The following USP42 variants were observed in gnomAD, a reference collection of about 807,000 sequenced individuals.
USP42 encodes ubiquitin carboxyl-terminal hydrolase 42.
Under a neutral mutation model 113.0 loss-of-function variants are expected in USP42, and 23 were observed. The ratio of observed to expected loss-of-function variants is 0.20; its 90% CI spans 0.15 to 0.29. The LOEUF is 0.29. USP42 is among the 10% of genes least tolerant of loss of function. The pLI is 1.00. For synonymous variants in USP42, 933 were observed against 699.0 expected (o/e 1.33, Z -5.28); for missense variants, 2,174 against 1,779.8 (o/e 1.22, Z -3.99).
chr7:6,140,989 A>C lies in USP42; in HGVS notation c.795+5A>C, dbSNP rs751652050. On this transcript the variant is annotated splice_donor_5th_base_variant and intron_variant, in intron 7 of 17. Coordinates refer to ENST00000306177, the MANE Select transcript of USP42 (RefSeq NM_032172.3). ...GATATAACATTGGAGATAAAGGTAA[A>C]TTTCATAATTATGGGAGTAATTACA... is the stretch of plus-strand genomic sequence containing the variant. The C allele has an allele frequency of 6.9e-7, 1 of 1,448,028 alleles. No individual in the cohort carries two copies. The highest frequency in any genetic ancestry group is 9.5e-7 in the Non-Finnish European group (1 of 1,054,634). 89.7% of individuals were successfully genotyped at this position (1,448,028 alleles called of 1,614,324 possible).
rs146022710 is a variant in USP42 at position 6,120,653 on chromosome 7, G to A, written c.442+5130G>A. Among the ~76,000 whole-genome samples the A allele has an allele frequency of 6.8e-3, 1,042 of 152,282 alleles. 11 individuals are homozygous for A. Among genetic ancestry groups the A allele is most frequent in the African/African-American group, 0.024 (994 of 41,550 alleles). Reference sequence around the variant, plus strand: ...GGCTGGAGTGCAGTGGCACAATCTCGGCTCACTGCACCCTCTGCCTTCTGG... The same window carrying A: ...GGCTGGAGTGCAGTGGCACAATCTCAGCTCACTGCACCCTCTGCCTTCTGG... On this transcript the variant is annotated intron_variant, in intron 3 of 17. Coordinates refer to ENST00000306177, the MANE Select transcript of USP42 (RefSeq NM_032172.3).
At chr7:6,105,796 C>G (rs1055523464) in intron 1 of USP42, among the ~76,000 whole-genome samples, 3 of 152,182 alleles carry the variant, frequency 2.0e-5, no homozygotes, top group African/African-American at 7.2e-5. Context: ...GAAAATTGGA[C>G]GGAACAAGTT....
At chr7:6,151,785 C>G (rs968375686) in intron 14 of USP42, among the ~76,000 whole-genome samples, 3 of 150,474 alleles carry the variant, frequency 2.0e-5, no homozygotes, top group Non-Finnish European at 4.4e-5. Context: ...ATGTACTAAT[C>G]GTATGTGCTA....
At chr7:6,087,772 C>CA in the USP42 span, among the ~76,000 whole-genome samples, 1 of 151,182 alleles carries the variant, frequency 6.6e-6, no homozygotes, top group South Asian at 2.1e-4. Context: ...CTCGTTTTTG[C>CA]ATATGTTGTC....
In USP42 at chr7:6,154,564, G is replaced by A. The variant is rs368185315; in HGVS notation, c.3010G>A (p.Asp1004Asn). The A allele has an allele frequency of 1.5e-4, 229 of 1,554,628 alleles. 1 individual carries two copies. The highest frequency in any genetic ancestry group is 2.7e-4 in the Admixed American group (14 of 51,674). ...CCCGGAGCACCACCCCGGCCACGGC[G>A]ACAGGCTCAGCCCTGGCGAGCGCCG... ...HAPEHHPGHGDRLSPGERRSL... is the reference protein window; with the variant it reads ...HAPEHHPGHGNRLSPGERRSL... Residue 1004 changes from aspartate to asparagine, a missense_variant, in exon 15 of 18, where the codon GAC (aspartate) becomes AAC (asparagine). Physicochemically the swap from Asp to Asn is conservative, Grantham distance 23. Coordinates refer to ENST00000306177, the MANE Select transcript of USP42 (RefSeq NM_032172.3).
At chr7:6,132,065 T>C (rs1780880247) in intron 3 of USP42, among the ~76,000 whole-genome samples, 1 of 152,152 alleles carries the variant, frequency 6.6e-6, no homozygotes, top group African/African-American at 2.4e-5. Context: ...CCTGAATAGC[T>C]GGGACTACAG....
intron 1 of USP42, among the ~76,000 whole-genome samples, chr7:6,110,391 C>T (rs992467449): frequency 2.0e-4 from 31 of 152,076 alleles, no homozygotes; most frequent in Non-Finnish European, 3.2e-4. Flanking sequence ...ATGCAATGCC[C>T]AGTACATAGA....
In USP42 at chr7:6,149,565, C is replaced by T. The variant is rs200506044; in HGVS notation, c.1387-18C>T. The stretch of plus-strand genomic sequence containing the variant: ...ATGTTTCTGGAGCTCTGACCAGGTG[C>T]GCTCTGCTTACTTCCAGAATCCACC... On this transcript the variant is annotated intron_variant, in intron 12 of 17. Coordinates refer to ENST00000306177, the MANE Select transcript of USP42 (RefSeq NM_032172.3). The T allele has an allele frequency of 3.4e-4, 551 of 1,601,728 alleles. No individual in the cohort carries two copies. The highest frequency in any genetic ancestry group is 4.1e-4 in the Non-Finnish European group (478 of 1,172,372).
the USP42 span, among the ~76,000 whole-genome samples, chr7:6,098,238 A>G: frequency 6.7e-6 from 1 of 150,248 alleles, no homozygotes; most frequent in Non-Finnish European, 1.5e-5. Context: ...TACCAGTCCC[A>G]TGATGTATCA....
intron 15 of USP42, 78 bp downstream of exon 15, chr7:6,155,273 A>G: frequency 3.5e-6 from 5 of 1,443,296 alleles, no homozygotes; most frequent in African/African-American, 1.4e-5. Flanking sequence ...CACTCGACTC[A>G]GGAACAAGTG....
At chr7:6,103,685 G>A (rs1017115102), upstream of USP42, among the ~76,000 whole-genome samples, 1 of 133,422 alleles carries the variant, frequency 7.5e-6, no homozygotes, top group Non-Finnish European at 1.5e-5. Context: ...ACAATCGCTT[G>A]ATCTCAGAAG....
rs1243659769 is a variant in USP42 at position 6,155,078 on chromosome 7, A to G, written c.3524A>G (p.Glu1175Gly). Residue 1175 changes from glutamate (E) to glycine (G), a missense_variant, in exon 15 of 18, where the codon GAA becomes GGA. By Grantham distance (98) the Glu-to-Gly change is moderately conservative (BLOSUM62 -2). Coordinates refer to ENST00000306177, the MANE Select transcript of USP42 (RefSeq NM_032172.3). ...GTGGAGAACAGTGACAGTCATGTTG[A>G]AAAGAAAGCCCGGAGGAGCGAACAG... ...DSVENSDSHVEKKARRSEQKD... is the reference protein window; with the variant it reads ...DSVENSDSHVGKKARRSEQKD... 6.4e-7 allele frequency: 1 copy of G among 1,562,932 alleles called. No homozygotes were observed. Among genetic ancestry groups the G allele is most frequent in the South Asian group, 1.2e-5 (1 of 84,590 alleles).
chr7:6,154,336 G>A lies in USP42; in HGVS notation c.2782G>A (p.Ala928Thr), dbSNP rs765656560. The A allele has an allele frequency of 4.5e-6, 7 of 1,571,546 alleles. No homozygotes were observed. Among genetic ancestry groups the A allele is most frequent in the South Asian group, 1.2e-5 (1 of 86,200 alleles). ...CCCCGGCGAGAGGGTCGAGGACGCC[G>A]CGGCGCCGAAAGCCCCAGGCCCTTC... ...PSPGERVEDAAAPKAPGPSPA... is the reference protein window; with the variant it reads ...PSPGERVEDATAPKAPGPSPA... Residue 928 changes from alanine (A) to threonine (T), a missense_variant, in exon 15 of 18, where the codon GCG (alanine) becomes ACG (threonine). By Grantham distance (58) the Ala-to-Thr change is moderately conservative. Coordinates refer to ENST00000306177, the MANE Select transcript of USP42 (RefSeq NM_032172.3).
intron 9 of USP42, 79 bp from the exon 10 acceptor site, chr7:6,145,437 G>A (rs1243119889): frequency 2.6e-6 from 4 of 1,567,062 alleles, no homozygotes; most frequent in African/African-American, 2.7e-5. Flanking sequence ...CTCCTAGGAA[G>A]CTCTAAGTAC....
intron 3 of USP42, 37 bp from the exon 4 acceptor site, chr7:6,135,804 A>T: frequency 7.2e-7 from 1 of 1,383,336 alleles, no homozygotes; most frequent in Non-Finnish European, 1.0e-6. Flanking sequence ...ATATGGTTGT[A>T]TTTTGCTAAT....
upstream of USP42, among the ~76,000 whole-genome samples, chr7:6,102,325 G>C (rs944160849): frequency 2.7e-5 from 4 of 150,092 alleles, no homozygotes; most frequent in Non-Finnish European, 5.9e-5. Flanking sequence ...TATTGGCCAG[G>C]CTGGTCTCGA....
rs1781350645 is a variant in USP42 at position 6,139,918 on chromosome 7, C to G, written c.657-210C>G. The G allele has an allele frequency of 3.4e-6, 2 of 596,792 alleles. No individual in the cohort carries two copies. The highest frequency in any genetic ancestry group is 6.0e-6 in the Non-Finnish European group (2 of 333,740). 37.0% of individuals were successfully genotyped at this position (596,792 alleles called of 1,614,324 possible). On this transcript the variant is annotated intron_variant, in intron 5 of 17. Transcript: ENST00000306177. This position sits in a 1 kb window ranked among gnomAD's most constrained non-coding sequence, Gnocchi z 4.5. Reference sequence around the variant, plus strand: ...CCTGACAGACACAGCTCCCACAGCTCTGCGTCTCCTCCCGCCACTCCCAGA... The same window carrying G: ...CCTGACAGACACAGCTCCCACAGCTGTGCGTCTCCTCCCGCCACTCCCAGA...
At chr7:6,131,620 A>AT (rs1397251132) in intron 3 of USP42, among the ~76,000 whole-genome samples, 1 of 152,062 alleles carries the variant, frequency 6.6e-6, no homozygotes, top group Non-Finnish European at 1.5e-5. Context: ...TGGGAGCGGG[A>AT]TTTTGCTGGG....
Position 6,158,389 on chromosome 7 carries a change from A to G in USP42, c.3944-1061A>G, listed in dbSNP as rs1243913847. On this transcript the variant is annotated intron_variant, in intron 16 of 17. Transcript: ENST00000306177. This position sits in a 1 kb window ranked among gnomAD's most constrained non-coding sequence, Gnocchi z 4.2. ...CGTGTGAAGCGCATCCCCTCCTCCC[A>G]GGGGCTTTTGACGAATCTTCAGGGC... Among the ~76,000 whole-genome samples, 2 of 152,130 alleles carry G rather than the reference A, an allele frequency of 1.3e-5. No homozygotes were observed. Among genetic ancestry groups the G allele is most frequent in the Admixed American group, 6.5e-5 (1 of 15,274 alleles).
Sources: gnomAD v4.1 joint callset for allele counts (sites outside exome capture counted in the v4.1 genomes callset) on GRCh38, gnomAD v4.1.1 for gene constraint, Gnocchi (gnomAD v3.1) non-coding constraint, MANE v1.5 for transcripts, NCBI Gene and HGNC (gene_info 2026-07-23, HGNC 2026-07-21) for gene names.